The following TRIM66 variants were observed in gnomAD, a reference collection of about 807,000 sequenced individuals.
The protein encoded by TRIM66 is tripartite motif-containing protein 66.
Under a neutral mutation model 148.2 loss-of-function variants are expected in TRIM66, and 99 were observed. That is an observed-to-expected ratio of 0.67 (90% CI 0.57 to 0.79). The LOEUF (loss-of-function observed/expected upper bound fraction) is 0.79, where lower values mean the gene tolerates loss of function less well. Ranked by LOEUF, TRIM66 falls within the 30% of genes least tolerant of loss-of-function variation. TRIM66 has a pLI of 0.00. For synonymous variants in TRIM66, 616 were observed against 635.9 expected, an observed-to-expected ratio of 0.97 and a Z score of 0.47; for missense variants, 1,666 against 1,697.9, an observed-to-expected ratio of 0.98 and a Z score of 0.33.
chr11:8,640,114 G>C, intron 14 of TRIM66, 113 bp downstream of exon 14: 1 of 1,073,040 alleles, frequency 9.3e-7, no homozygotes, highest in Non-Finnish European at 1.3e-6. Flanking sequence ...GCTCAAGGCA[G>C]CCCTAAGGTG....
Position 8,643,016 on chromosome 11 carries a change from A to C in TRIM66, c.1215T>G (p.Ala405=). The part of the protein sequence containing the change: ...WEPNFWTKQL[A]SLGCITTEGG... ...GGGTGGGTCCAAGCTCACCAAGAGA[A>C]GCTAGCTGCTTGGTCCAGAAGTTAG... The change falls in exon 13 of 25, where the codon GCT becomes GCG. Residue 405 remains alanine, a synonymous_variant. Coordinates refer to ENST00000646038, the MANE Select transcript of TRIM66 (RefSeq NM_001388022.1). The C allele has an allele frequency of 2.6e-6, 4 of 1,550,042 alleles. No individual in the cohort carries two copies. The highest frequency in any genetic ancestry group is 3.5e-6 in the Non-Finnish European group (4 of 1,146,050).
intron 7 of TRIM66, 83 bp from the exon 8 acceptor site, chr11:8,649,970 G>A (rs1213707693): frequency 4.1e-6 from 6 of 1,460,778 alleles, no homozygotes; most frequent in Non-Finnish European, 5.5e-6. Context: ...TAAAGACAGG[G>A]GTCCTGCAGG....
chr11:8,617,920 G>C lies in TRIM66; in HGVS notation c.*24C>G, dbSNP rs1386430777. 1 of 1,551,168 alleles carries C rather than the reference G, an allele frequency of 6.4e-7. No homozygotes were observed. ...CGACAGTATGGGACAACAGCTGCCA[G>C]AGTGCCCAGTCTCCTTTTGGCTCTC... is the stretch of plus-strand genomic sequence containing the variant. On this transcript the variant is annotated 3_prime_UTR_variant, in exon 25 of 25. Coordinates refer to ENST00000646038, the MANE Select transcript of TRIM66 (RefSeq NM_001388022.1).
At position 8,624,216 on chromosome 11, in the gene TRIM66, G is replaced by A. The variant is rs1002241434; in HGVS notation, c.3019+143C>T. 6.4e-6 allele frequency: 6 copies of A among 933,216 alleles called. No individual in the cohort carries two copies. In the Admixed American group the frequency reaches 1.8e-4, roughly 28 times the overall value. 57.8% of individuals were successfully genotyped at this position (933,216 alleles called of 1,614,324 possible). On this transcript the variant is annotated intron_variant, in intron 17 of 24. Coordinates refer to ENST00000646038, the MANE Select transcript of TRIM66 (RefSeq NM_001388022.1). ...AACAGGTGTCACTAAGACAGTTCCG[G>A]AGGAGAGAAGTAAATTCAGCCTCAG...
chr11:8,649,520 C>G (rs2037165341), intron 8 of TRIM66, among the ~76,000 whole-genome samples: 1 of 152,146 alleles, frequency 6.6e-6, no homozygotes, highest in Non-Finnish European at 1.5e-5. Context: ...CCTCTCTATA[C>G]CATTTCATCC....
chr11:8,625,282 A>C, intron 15 of TRIM66, 54 bp from the exon 16 acceptor site: 2 of 1,447,378 alleles, frequency 1.4e-6, no homozygotes, highest in Middle Eastern at 2.5e-4. Flanking sequence ...GAATGGAGGG[A>C]GGGAGAGGAG....
At chr11:8,672,148 A>T in intron 5 of TRIM66, 50 bp from the exon 6 acceptor site, 1 of 1,529,374 alleles carries the variant, frequency 6.5e-7, no homozygotes, top group Non-Finnish European at 8.7e-7. Flanking sequence ...GAGCAGAAAA[A>T]AATCTTAGGC....
intron 6 of TRIM66, among the ~76,000 whole-genome samples, chr11:8,669,566 C>T (rs184573919): frequency 2.3e-4 from 35 of 151,968 alleles, no homozygotes; most frequent in Middle Eastern, 3.4e-3. Context: ...TCACTTGAAC[C>T]CAGGAGGCAG....
chr11:8,675,861 C>A (rs1386916575), intron 3 of TRIM66, among the ~76,000 whole-genome samples: 3 of 152,142 alleles, frequency 2.0e-5, no homozygotes, highest in African/African-American at 7.2e-5. Context: ...GCCTCAGCCT[C>A]TCAAGTAGCT....
At chr11:8,645,912 C>A in intron 11 of TRIM66, 25 bp from the exon 12 acceptor site, 1 of 1,549,660 alleles carries the variant, frequency 6.5e-7, no homozygotes, top group Non-Finnish European at 8.7e-7. Flanking sequence ...AAGACAGAGT[C>A]CTTGATCCTG....
intron 6 of TRIM66, among the ~76,000 whole-genome samples, chr11:8,660,484 CT>C (rs1163657400): frequency 6.6e-6 from 1 of 152,182 alleles, no homozygotes; most frequent in Non-Finnish European, 1.5e-5. Context: ...ACTGCCTGTT[CT>C]TGTAAATAAA....
rs149673439 is a variant in TRIM66, at chr11:8,671,369, CA to C, written c.340+416del. 8.5e-3 allele frequency among the ~76,000 whole-genome samples: 1,288 copies of C among 152,310 alleles called. 19 individuals carry two copies. Among genetic ancestry groups the C allele is most frequent in the African/African-American group, 0.029 (1,211 of 41,560 alleles). On this transcript the variant is annotated intron_variant, in intron 6 of 24. Transcript: ENST00000646038. ...AAGACACAGGCTCCTCCCTGCTGGGCAGCAGCTTAAATACTGAATAGTTCAC... is the reference window on the plus strand; with the variant it reads ...AAGACACAGGCTCCTCCCTGCTGGGCGCAGCTTAAATACTGAATAGTTCAC...
Position 8,649,830 on chromosome 11 carries a change from G to T in TRIM66, c.502C>A (p.Arg168Ser). ...TCTGTGCAAGAGCTGCACAGCCAGC[G>T]ATTGCAGTAGGTGCAGAGGATATGT... ...AAHILCTYCN[R>S]WLCSSCTEEH... is the part of the protein sequence containing the mutation. Residue 168 changes from arginine to serine, a missense_variant, in exon 8 of 25, where the codon CGC becomes AGC. Physicochemically the swap from Arg to Ser is moderately radical, Grantham distance 110. Coordinates refer to ENST00000646038, the MANE Select transcript of TRIM66 (RefSeq NM_001388022.1). 2 of 1,551,674 alleles carry T rather than the reference G, an allele frequency of 1.3e-6. No homozygotes were observed. Among genetic ancestry groups the T allele is most frequent in the South Asian group, 2.4e-5 (2 of 84,052 alleles).
chr11:8,660,009 C>T (rs1387935801), intron 6 of TRIM66, among the ~76,000 whole-genome samples: 1 of 152,146 alleles, frequency 6.6e-6, no homozygotes, highest in African/African-American at 2.4e-5. Context: ...TCCCAAGCAG[C>T]TGGGACTACA....
intron 4 of TRIM66, among the ~76,000 whole-genome samples, chr11:8,673,232 C>T (rs2039027852): frequency 6.6e-6 from 1 of 152,058 alleles, no homozygotes; most frequent in African/African-American, 2.4e-5. Flanking sequence ...CCGGCCCACA[C>T]TCTTAATTAG....
intron 6 of TRIM66, among the ~76,000 whole-genome samples, chr11:8,663,440 G>A (rs1832733273): frequency 1.3e-5 from 2 of 152,094 alleles, no homozygotes; most frequent in African/African-American, 4.8e-5. Flanking sequence ...GGCACAGTAG[G>A]AGATTAACAA....
At chr11:8,648,663 G>T in intron 8 of TRIM66, 115 bp from the exon 9 acceptor site, 2 of 1,287,062 alleles carry the variant, frequency 1.6e-6, no homozygotes, top group Non-Finnish European at 2.1e-6. Context: ...TACAGAGCTC[G>T]GGGGAAGTGT....
intron 15 of TRIM66, 48 bp from the exon 16 acceptor site, chr11:8,625,276 G>A: frequency 6.9e-7 from 1 of 1,452,622 alleles, no homozygotes; most frequent in African/African-American, 1.4e-5. Flanking sequence ...AGCTGGGAAT[G>A]GAGGGAGGGA....
Position 8,640,897 on chromosome 11 carries a change from C to A in TRIM66, c.1478G>T (p.Arg493Met). The A allele has an allele frequency of 6.4e-7, 1 of 1,550,502 alleles. No individual in the cohort carries two copies. Among genetic ancestry groups the A allele is most frequent in the Non-Finnish European group, 8.7e-7 (1 of 1,146,912 alleles). Residue 493 changes from arginine (R) to methionine (M), a missense_variant, in exon 14 of 25, where the codon AGG (arginine) becomes ATG (methionine). Physicochemically the swap from Arg to Met is moderately conservative, Grantham distance 91. Around this residue, in one of 3 missense-constraint regions of TRIM66, gnomAD observed 1,431 missense variants for 1,412.4 expected, o/e 1.01. Coordinates refer to ENST00000646038, the MANE Select transcript of TRIM66 (RefSeq NM_001388022.1). Reference protein sequence around the residue: ...PPSIHPAHSFRQPPEMVPQQL... With the variant: ...PPSIHPAHSFMQPPEMVPQQL... ...CTGGGGCACCATCTCAGGGGGCTGC[C>A]TGAAGCTGTGGGCTGGGTGTATGCT...
Sources: allele counts gnomAD v4.1 joint callset (sites outside exome capture counted in the v4.1 genomes callset), GRCh38; gene constraint gnomAD v4.1.1; regional missense constraint gnomAD v4.1.1; transcripts MANE v1.5; gene names NCBI Gene and HGNC (gene_info 2026-07-23, HGNC 2026-07-21).